The following GNAZ variants were observed in gnomAD, a reference collection of about 807,000 sequenced individuals.
GNAZ encodes the protein guanine nucleotide-binding protein G(z) subunit alpha.
GNAZ carries 3 observed loss-of-function variants against 25.4 expected under a neutral mutation model. The ratio of observed to expected loss-of-function variants is 0.12; its 90% CI spans 0.05 to 0.30. The LOEUF is 0.30. Among genes scored for constraint, GNAZ ranks in the 10% least tolerant of loss-of-function variants. The probability of loss-of-function intolerance (pLI) is 1.00; values close to 1 mark genes in which losing one functional copy is unlikely to be tolerated. For missense variants in GNAZ, 241 were observed against 501.8 expected, an observed-to-expected ratio of 0.48 and a Z score of 4.97; for synonymous variants, 211 against 205.7, an observed-to-expected ratio of 1.03 and a Z score of -0.22.
At chr22:23,086,038 C>T (rs1370724744) in intron 1 of GNAZ, among the ~76,000 whole-genome samples, 8 of 152,276 alleles carry the variant, frequency 5.3e-5, no homozygotes, top group Non-Finnish European at 8.8e-5. Context: ...GTGGCAGAAG[C>T]GGTTCCTCTA....
intron 2 of GNAZ, among the ~76,000 whole-genome samples, chr22:23,120,845 G>A (rs567039906): frequency 2.6e-5 from 4 of 152,266 alleles, no homozygotes; most frequent in South Asian, 4.1e-4. Flanking sequence ...GACTCAGGGC[G>A]CGCTCAGCAA....
At chr22:23,070,992 G>A (rs1009825331) in intron 1 of GNAZ, among the ~76,000 whole-genome samples, 11 of 152,096 alleles carry the variant, frequency 7.2e-5, no homozygotes, top group African/African-American at 2.2e-4. Context: ...TCAGGGAGGG[G>A]CGGCCGGAGC....
rs564106921 is a variant in GNAZ, at chr22:23,109,263, C to T, written c.723+12845C>T. 1.7e-3 allele frequency among the ~76,000 whole-genome samples: 252 copies of T among 152,262 alleles called. 1 individual carries two copies. Among genetic ancestry groups the T allele is most frequent in the African/African-American group, 4.5e-3 (185 of 41,570 alleles). On this transcript the variant is annotated intron_variant, in intron 2 of 2. Transcript: ENST00000615612. ...GCCCAAGTGAGCCTGGCAGCAGAGC[C>T]GAGGGCAGCCCCACCAAAGCCACGG... is the stretch of plus-strand genomic sequence containing the variant.
intron 2 of GNAZ, among the ~76,000 whole-genome samples, chr22:23,105,755 G>T (rs559951017): frequency 7.2e-5 from 11 of 152,330 alleles, no homozygotes; most frequent in Middle Eastern, 3.4e-3. Context: ...TCCCTTCAGC[G>T]ACTGACACTG....
At chr22:23,121,565 CAG>C (rs964890736) in intron 2 of GNAZ, among the ~76,000 whole-genome samples, 6 of 152,168 alleles carry the variant, frequency 3.9e-5, no homozygotes, top group African/African-American at 1.2e-4. Context: ...GATGTGAGAA[CAG>C]ACTGGCAGCT....
chr22:23,092,611 C>T (rs1040421060), intron 1 of GNAZ, among the ~76,000 whole-genome samples: 6 of 152,214 alleles, frequency 3.9e-5, no homozygotes, highest in African/African-American at 1.4e-4. Context: ...ATTGCCCTGT[C>T]GTTGCCGGCG....
At chr22:23,089,684 G>A (rs2068910885) in intron 1 of GNAZ, among the ~76,000 whole-genome samples, 1 of 152,194 alleles carries the variant, frequency 6.6e-6, no homozygotes, top group African/African-American at 2.4e-5. Context: ...CTGGACGGTG[G>A]GTGAGAAGGG....
chr22:23,073,407 G>T (rs2146245900), intron 1 of GNAZ, among the ~76,000 whole-genome samples: 1 of 152,358 alleles, frequency 6.6e-6, no homozygotes. Flanking sequence ...GGACGTGGGA[G>T]CACCCAGACT....
intron 2 of GNAZ, among the ~76,000 whole-genome samples, chr22:23,107,846 G>C (rs2146351722): frequency 6.6e-6 from 1 of 152,320 alleles, no homozygotes; most frequent in Admixed American, 6.5e-5. Context: ...TCTTCAGTCT[G>C]TTCTGCCAGA....
At chr22:23,094,745 C>G (rs1222005607) in intron 1 of GNAZ, among the ~76,000 whole-genome samples, 10 of 152,230 alleles carry the variant, frequency 6.6e-5, no homozygotes, top group African/African-American at 2.4e-4. Context: ...CCAGGTCTCC[C>G]TCCTGGTGCT....
chr22:23,077,826 G>T (rs541467860), intron 1 of GNAZ, among the ~76,000 whole-genome samples: 1 of 152,278 alleles, frequency 6.6e-6, no homozygotes, highest in South Asian at 2.1e-4. Flanking sequence ...CCTTCACCCT[G>T]ACCCCAGCAG....
chr22:23,073,068 C>G (rs1012100153), intron 1 of GNAZ, among the ~76,000 whole-genome samples: 1 of 152,244 alleles, frequency 6.6e-6, no homozygotes, highest in South Asian at 2.1e-4. Flanking sequence ...GGCTTCCTCC[C>G]CTGGAGGCAA....
At chr22:23,075,668 A>G (rs537508932) in intron 1 of GNAZ, among the ~76,000 whole-genome samples, 1 of 152,340 alleles carries the variant, frequency 6.6e-6, no homozygotes, top group Admixed American at 6.5e-5. Flanking sequence ...CCTTACACAT[A>G]GTGTCAAGCC....
intron 1 of GNAZ, among the ~76,000 whole-genome samples, chr22:23,094,554 T>A (rs538732241): frequency 6.2e-4 from 95 of 152,276 alleles, no homozygotes; most frequent in Non-Finnish European, 1.1e-3. Flanking sequence ...AGCCCCCAGC[T>A]CCTTGGTCTC....
At chr22:23,091,182 TCA>T (rs1469498598) in intron 1 of GNAZ, among the ~76,000 whole-genome samples, 1 of 152,142 alleles carries the variant, frequency 6.6e-6, no homozygotes. Flanking sequence ...ATGGACCTGC[TCA>T]CAGACATGTA....
At chr22:23,083,737 GT>G (rs1215053070) in intron 1 of GNAZ, among the ~76,000 whole-genome samples, 1 of 152,186 alleles carries the variant, frequency 6.6e-6, no homozygotes, top group Non-Finnish European at 1.5e-5. Context: ...AAAAGGACCA[GT>G]TTGTGGGGCA....
chr22:23,121,578 C>T (rs374283495), intron 2 of GNAZ, among the ~76,000 whole-genome samples: 13 of 152,160 alleles, frequency 8.5e-5, no homozygotes, highest in Non-Finnish European at 1.5e-4. Flanking sequence ...ACTGGCAGCT[C>T]GTGTCCAGCT....
intron 1 of GNAZ, among the ~76,000 whole-genome samples, chr22:23,073,181 C>T (rs562292189): frequency 1.3e-5 from 2 of 152,292 alleles, no homozygotes; most frequent in South Asian, 2.1e-4. Flanking sequence ...GGCAGGTGCA[C>T]GGGCACACTG....
chr22:23,074,263 C>T (rs2068452712), intron 1 of GNAZ, among the ~76,000 whole-genome samples: 1 of 152,136 alleles, frequency 6.6e-6, no homozygotes, highest in Non-Finnish European at 1.5e-5. Context: ...GGCTGGGGGC[C>T]ATGAGGGGCT....
Sources: gnomAD v4.1 joint callset for allele counts (sites outside exome capture counted in the v4.1 genomes callset) on GRCh38, gnomAD v4.1.1 for gene constraint, MANE v1.5 for transcripts, NCBI Gene and HGNC (gene_info 2026-07-23, HGNC 2026-07-21) for gene names.